GALNT9: variants seen among roughly 807,000 people sequenced by gnomAD.
The protein encoded by GALNT9 is polypeptide N-acetylgalactosaminyltransferase 9.
GALNT9 carries 47 observed loss-of-function variants against 63.1 expected under a neutral mutation model. That is an observed-to-expected ratio of 0.75 (90% CI 0.59 to 0.95). The LOEUF is 0.95. Among genes scored for constraint, GALNT9 ranks in the 40% least tolerant of loss-of-function variants. The probability of loss-of-function intolerance (pLI) is 0.00; values close to 1 mark genes in which losing one functional copy is unlikely to be tolerated. For synonymous variants in GALNT9, 396 were observed against 365.7 expected, an observed-to-expected ratio of 1.08 and a Z score of -0.94; for missense variants, 829 against 874.8, an observed-to-expected ratio of 0.95 and a Z score of 0.66.
chr12:132,300,784 T>C (rs1413350110), intron 1 of GALNT9, among the ~76,000 whole-genome samples: 3 of 139,162 alleles, frequency 2.2e-5, no homozygotes, highest in East Asian at 2.1e-4. Flanking sequence ...ACTAACCCAC[T>C]CCCACCACAC....
At chr12:132,209,618 T>C (rs116508217) in intron 6 of GALNT9, among the ~76,000 whole-genome samples, 4,906 of 152,170 alleles carry the variant, frequency 0.032, 247 homozygotes, top group African/African-American at 0.11. Context: ...AACGAGTGAC[T>C]TGTGGTCATC....
At chr12:132,240,964 T>C (rs1184446215) in intron 6 of GALNT9, among the ~76,000 whole-genome samples, 10 of 138,850 alleles carry the variant, frequency 7.2e-5, no homozygotes, top group Non-Finnish European at 1.4e-4. Context: ...GGGCCCTCCC[T>C]ATACCCATTA....
At chr12:132,200,974 A>G in intron 8 of GALNT9, 150 bp downstream of exon 8, 1 of 707,930 alleles carries the variant, frequency 1.4e-6, no homozygotes, top group South Asian at 1.9e-5. Flanking sequence ...TCAGGGCGGA[A>G]GGCCTGTCGG....
intron 2 of GALNT9, among the ~76,000 whole-genome samples, chr12:132,272,246 A>G (rs1404260755): frequency 1.3e-5 from 2 of 152,322 alleles, no homozygotes; most frequent in East Asian, 3.9e-4. Context: ...ACAACGACCC[A>G]GGGAAGCACC....
At position 132,257,539 on chromosome 12, in the gene GALNT9, ACGCCCTCG is replaced by A; in HGVS notation, c.959+142_959+149del. ...GCCCTCGTCCCCGGCCCTCATCCCC[ACGCCCTCG>A]TCCCCACGCCCTCGTCCCCACGCCC... On this transcript the variant is annotated intron_variant, in intron 5 of 10. Coordinates refer to ENST00000328957, the MANE Select transcript of GALNT9 (RefSeq NM_001122636.2). The A allele has an allele frequency of 2.0e-4, 5 of 24,408 alleles. 1 individual carries two copies. The South Asian group carries it at 2.4e-3, about 12-fold the overall frequency. The allele number at this position is 24,408 out of a possible 1,614,324, so 1.5% of individuals were successfully genotyped here. A position where few individuals can be genotyped will look rare whatever the true frequency, so the allele number is the denominator to read the frequency against.
intron 6 of GALNT9, among the ~76,000 whole-genome samples, chr12:132,224,655 C>T (rs1473403552): frequency 7.3e-6 from 1 of 136,428 alleles, no homozygotes; most frequent in East Asian, 2.4e-4. Flanking sequence ...ACATACACAC[C>T]CCACACTGTA....
At chr12:132,293,870 C>T (rs28606519) in intron 1 of GALNT9, among the ~76,000 whole-genome samples, 24,605 of 151,572 alleles carry the variant, frequency 0.16, 2,042 homozygotes, top group Middle Eastern at 0.23. Context: ...AACGAGAAGC[C>T]GGGGGATCCC....
At position 132,252,224 on chromosome 12, in the gene GALNT9, A is replaced by G. The variant is rs1415624022; in HGVS notation, c.960-4197T>C. Reference sequence around the variant, plus strand: ...AGGTGCTTCAACTCTGCAGGGAGCAAAGAGGCCTCCAAAGATGAGCCACAG... The same window carrying G: ...AGGTGCTTCAACTCTGCAGGGAGCAGAGAGGCCTCCAAAGATGAGCCACAG... On this transcript the variant is annotated intron_variant, in intron 5 of 10. Coordinates refer to ENST00000328957, the MANE Select transcript of GALNT9 (RefSeq NM_001122636.2). This position sits in a 1 kb window ranked among gnomAD's most constrained non-coding sequence, Gnocchi z 5.2. Among the ~76,000 whole-genome samples the G allele has an allele frequency of 9.2e-5, 14 of 152,164 alleles. No homozygotes were observed. Among genetic ancestry groups the G allele is most frequent in the African/African-American group, 3.4e-4 (14 of 41,432 alleles).
At chr12:132,267,840 C>T (rs2135548790) in intron 2 of GALNT9, among the ~76,000 whole-genome samples, 1 of 147,182 alleles carries the variant, frequency 6.8e-6, no homozygotes, top group South Asian at 2.2e-4. Flanking sequence ...CACACACATG[C>T]ATACAACCCA....
rs1878936654 is a variant in GALNT9, at chr12:132,252,069, G to GTCTCCA, written c.960-4043_960-4042insTGGAGA. On this transcript the variant is annotated intron_variant, in intron 5 of 10. Transcript: ENST00000328957. This position sits in a 1 kb window ranked among gnomAD's most constrained non-coding sequence, Gnocchi z 5.2. The stretch of plus-strand genomic sequence containing the variant: ...CTCCGTGATGAGGATGGTCCCCAGC[G>GTCTCCA]TCTGTCTGGGAGAAAGGAGCAGGGG... Among the ~76,000 whole-genome samples, 1 of 152,224 alleles carries GTCTCCA rather than the reference G, an allele frequency of 6.6e-6. No individual in the cohort carries two copies. Among genetic ancestry groups the GTCTCCA allele is most frequent in the African/African-American group, 2.4e-5 (1 of 41,454 alleles).
intron 4 of GALNT9, among the ~76,000 whole-genome samples, 165 bp from the exon 5 acceptor site, chr12:132,258,051 C>T (rs1247537712): frequency 1.3e-5 from 2 of 152,172 alleles, no homozygotes; most frequent in African/African-American, 4.8e-5. Context: ...GCCCAAGGGC[C>T]CCTCTCAGCA....
At chr12:132,255,105 T>G (rs997448929) in intron 5 of GALNT9, among the ~76,000 whole-genome samples, 4 of 152,208 alleles carry the variant, frequency 2.6e-5, no homozygotes, top group African/African-American at 7.2e-5. Context: ...ATGGAGCCGC[T>G]TCTCAACCAA....
rs1008102939 is a variant in GALNT9 at position 132,252,334 on chromosome 12, G to A, written c.960-4307C>T. Among the ~76,000 whole-genome samples, 2 of 152,222 alleles carry A rather than the reference G, an allele frequency of 1.3e-5. No individual in the cohort carries two copies. Among genetic ancestry groups the A allele is most frequent in the African/African-American group, 2.4e-5 (1 of 41,458 alleles). ...CATCCCCGCCACGACTGAAGCCTTC[G>A]TGTCTTGCGGACGCCGACACTGACA... On this transcript the variant is annotated intron_variant, in intron 5 of 10. Transcript: ENST00000328957. The surrounding 1 kb of genome is among the most constrained non-coding windows in gnomAD (Gnocchi z 5.2).
At chr12:132,267,677 T>C (rs1319523281) in intron 2 of GALNT9, among the ~76,000 whole-genome samples, 1 of 150,162 alleles carries the variant, frequency 6.7e-6, no homozygotes, top group East Asian at 1.9e-4. Context: ...AAGAGAAAGA[T>C]GCATTGAAAT....
chr12:132,297,870 A>G (rs1368051509), intron 1 of GALNT9, among the ~76,000 whole-genome samples: 1 of 151,674 alleles, frequency 6.6e-6, no homozygotes, highest in Non-Finnish European at 1.5e-5. Flanking sequence ...AAGATTACCA[A>G]CTCACTCCCG....
chr12:132,280,691 G>C (rs1353118200), intron 2 of GALNT9: 2 of 152,012 alleles, frequency 1.3e-5, no homozygotes, highest in Non-Finnish European at 2.9e-5. Flanking sequence ...GAGTGGGACA[G>C]AGCCCACCCC....
At chr12:132,257,561 G>A (rs1438094849) in intron 5 of GALNT9, 128 bp downstream of exon 5, 13 of 362,558 alleles carry the variant, frequency 3.6e-5, no homozygotes, top group African/African-American at 1.4e-4. Context: ...CCACGCCCTC[G>A]TCCCCACGCC....
intron 2 of GALNT9, chr12:132,277,219 A>T (rs1188523520): frequency 6.5e-6 from 1 of 154,662 alleles, no homozygotes; most frequent in Non-Finnish European, 1.5e-5. Flanking sequence ...TACTTCTTTA[A>T]TCATCCATGG....
Position 132,220,470 on chromosome 12 carries a change from GAA to G in GALNT9, c.1078-16782_1078-16781del, listed in dbSNP as rs978551398. Among the ~76,000 whole-genome samples the G allele has an allele frequency of 2.0e-5, 3 of 152,292 alleles. No individual in the cohort carries two copies. The East Asian group carries it at 5.8e-4, about 29-fold the overall frequency. On this transcript the variant is annotated intron_variant, in intron 6 of 10. Coordinates refer to ENST00000328957, the MANE Select transcript of GALNT9 (RefSeq NM_001122636.2). ...ATGGATCAAAACAACTATAAAAAAA[GAA>G]CCAGATATGAAAAATACCCATGGAA...
Sources: allele counts gnomAD v4.1 joint callset (sites outside exome capture counted in the v4.1 genomes callset), GRCh38; gene constraint gnomAD v4.1.1; non-coding constraint Gnocchi (gnomAD v3.1); transcripts MANE v1.5; gene names NCBI Gene and HGNC (gene_info 2026-07-23, HGNC 2026-07-21).